CDH18: variants seen among roughly 807,000 people sequenced by gnomAD.
CDH18 encodes cadherin-18.
In CDH18, 31 loss-of-function variants were observed where a neutral mutation model predicts 67.9. The observed-to-expected ratio is 0.46, with a 90% confidence interval of 0.34 to 0.62. CDH18 has a LOEUF of 0.62. Among genes scored for constraint, CDH18 ranks in the 20% least tolerant of loss-of-function variants. The pLI is 0.01. For missense variants in CDH18, 890 were observed against 975.5 expected (o/e 0.91, Z 1.17); for synonymous variants, 362 against 347.2 (o/e 1.04, Z -0.48).
chr5:19,513,023 A>G (rs1314220482), intron 10 of CDH18, among the ~76,000 whole-genome samples: 1 of 152,078 alleles, frequency 6.6e-6, no homozygotes, highest in East Asian at 1.9e-4. Context: ...AGCCATGAGA[A>G]GAGAATTTAT....
chr5:20,387,700 G>A (rs1744428830), intron 1 of CDH18, among the ~76,000 whole-genome samples: 1 of 152,086 alleles, frequency 6.6e-6, no homozygotes, highest in Non-Finnish European at 1.5e-5. Context: ...TATTGGCTGT[G>A]GGTTTCTCAT....
At chr5:20,495,808 TAA>T (rs145924050) in intron 1 of CDH18, among the ~76,000 whole-genome samples, 23,354 of 151,876 alleles carry the variant, frequency 0.15, 2,399 homozygotes, top group Non-Finnish European at 0.23. Context: ...ACTCAGAAAA[TAA>T]AGTCAAAAGA....
intron 1 of CDH18, among the ~76,000 whole-genome samples, chr5:20,353,038 T>G (rs999441682): frequency 6.6e-6 from 1 of 152,056 alleles, no homozygotes; most frequent in South Asian, 2.1e-4. Context: ...AATATGAAAA[T>G]GGTTTTTCTT....
chr5:19,577,696 T>C (rs1016526350), intron 7 of CDH18, among the ~76,000 whole-genome samples: 2 of 152,096 alleles, frequency 1.3e-5, no homozygotes, highest in African/African-American at 4.8e-5. Flanking sequence ...TTGTAATAGA[T>C]TGATATTTTA....
At chr5:20,214,139 G>T (rs2126402943) in intron 2 of CDH18, among the ~76,000 whole-genome samples, 1 of 151,956 alleles carries the variant, frequency 6.6e-6, no homozygotes, top group Middle Eastern at 3.4e-3. Context: ...CAAGAAAGGT[G>T]AAAGATCTCC....
intron 1 of CDH18, among the ~76,000 whole-genome samples, chr5:20,376,091 A>ATTTTTTTCTTTTTTTTTTTTT (rs1743397923): frequency 2.0e-5 from 1 of 49,748 alleles, no homozygotes; most frequent in Non-Finnish European, 3.8e-5. Flanking sequence ...AAAAGAAACA[A>ATTTTTTTCTTTTTTTTTTTTT]TTTTTTTTTT....
chr5:19,619,282 T>C (rs1580529588), intron 5 of CDH18, among the ~76,000 whole-genome samples: 1 of 152,186 alleles, frequency 6.6e-6, no homozygotes, highest in Admixed American at 6.5e-5. Flanking sequence ...ACTTACGAAG[T>C]TGAAATGCTA....
chr5:19,584,754 C>T (rs1404915563), intron 7 of CDH18, among the ~76,000 whole-genome samples: 1 of 126,748 alleles, frequency 7.9e-6, no homozygotes, highest in Admixed American at 1.0e-4. Flanking sequence ...TAGAGACCAG[C>T]CAGGGCAACA....
chr5:20,525,161 T>C (rs550178245), intron 1 of CDH18, among the ~76,000 whole-genome samples: 1 of 152,236 alleles, frequency 6.6e-6, no homozygotes, highest in South Asian at 2.1e-4. Flanking sequence ...TGTAAGGATA[T>C]ACTTCATTCT....
intron 2 of CDH18, among the ~76,000 whole-genome samples, chr5:20,157,026 T>G (rs1336814628): frequency 6.6e-6 from 1 of 152,116 alleles, no homozygotes; most frequent in African/African-American, 2.4e-5. Flanking sequence ...ACCTGAGAAC[T>G]GTGATGACTT....
At chr5:19,588,951 A>G (rs1255249428) in intron 7 of CDH18, among the ~76,000 whole-genome samples, 1 of 152,114 alleles carries the variant, frequency 6.6e-6, no homozygotes, top group Non-Finnish European at 1.5e-5. Flanking sequence ...TAATAGTGGG[A>G]GACTTTAAAA....
At chr5:20,570,112 T>C (rs57038630) in intron 1 of CDH18, among the ~76,000 whole-genome samples, 1,899 of 152,278 alleles carry the variant, frequency 0.012, 39 homozygotes, top group African/African-American at 0.043. Flanking sequence ...ATATACCTTA[T>C]TATATGTTTG....
At chr5:20,287,918 T>C (rs2126723452) in intron 1 of CDH18, among the ~76,000 whole-genome samples, 2 of 151,892 alleles carry the variant, frequency 1.3e-5, no homozygotes, top group East Asian at 1.9e-4. Flanking sequence ...TTTCTCAAAT[T>C]TATCCTTGTT....
chr5:20,121,770 A>C (rs1208387493), intron 2 of CDH18, among the ~76,000 whole-genome samples: 1 of 152,216 alleles, frequency 6.6e-6, no homozygotes, highest in Non-Finnish European at 1.5e-5. Flanking sequence ...ATCATTGAAA[A>C]GTTCATGCTG....
intron 6 of CDH18, among the ~76,000 whole-genome samples, chr5:19,594,960 A>G (rs1043196261): frequency 1.3e-5 from 2 of 152,204 alleles, no homozygotes; most frequent in African/African-American, 2.4e-5. Flanking sequence ...TTTAAAAAAA[A>G]TAAAAGGGAA....
intron 7 of CDH18, among the ~76,000 whole-genome samples, chr5:19,584,732 G>A (rs989024614): frequency 3.6e-5 from 5 of 138,692 alleles, no homozygotes; most frequent in African/African-American, 1.4e-4. Context: ...CAGATCGTTT[G>A]GGCTCAGGAG....
At chr5:20,493,948 G>GAAACAA (rs1554009250) in intron 1 of CDH18, among the ~76,000 whole-genome samples, 1 of 151,612 alleles carries the variant, frequency 6.6e-6, no homozygotes, top group East Asian at 1.9e-4. Context: ...AACAAAAACA[G>GAAACAA]CAAAAAAAAA....
At chr5:20,235,666 C>A (rs1231585714) in intron 2 of CDH18, among the ~76,000 whole-genome samples, 3 of 152,152 alleles carry the variant, frequency 2.0e-5, no homozygotes, top group African/African-American at 7.2e-5. Context: ...AACGTTTACA[C>A]ACTATTGGTG....
At chr5:20,106,960 G>A (rs1746994152) in intron 2 of CDH18, among the ~76,000 whole-genome samples, 2 of 152,156 alleles carry the variant, frequency 1.3e-5, no homozygotes, top group Admixed American at 6.5e-5. Flanking sequence ...TGTGTGCCTC[G>A]AAACGCTTTT....
Sources: gnomAD v4.1 joint callset for allele counts (sites outside exome capture counted in the v4.1 genomes callset) on GRCh38, gnomAD v4.1.1 for gene constraint, MANE v1.5 for transcripts, NCBI Gene and HGNC (gene_info 2026-07-23, HGNC 2026-07-21) for gene names.